Variants in NT5DC1 observed in about 807,000 individuals in gnomAD.
NT5DC1 encodes 5'-nucleotidase domain containing 1, also known as 5'-nucleotidase domain-containing protein 1.
A neutral mutation model predicts 59.4 loss-of-function variants in NT5DC1; 42 were observed. The ratio of observed to expected loss-of-function variants is 0.71; its 90% confidence interval spans 0.55 to 0.92. The LOEUF (loss-of-function observed/expected upper bound fraction) is 0.92, where lower values mean the gene tolerates loss of function less well. NT5DC1 is among the 40% of genes least tolerant of loss of function. NT5DC1 has a pLI of 0.00. For synonymous variants in NT5DC1, 172 were observed against 188.1 expected (o/e 0.91, Z 0.70); for missense variants, 501 against 537.1 (o/e 0.93, Z 0.66).
chr6:116,102,925 G>A (rs958042401), intron 1 of NT5DC1, among the ~76,000 whole-genome samples: 1 of 152,234 alleles, frequency 6.6e-6, no homozygotes, highest in Admixed American at 6.5e-5. Flanking sequence ...GCTCTGCACA[G>A]AAGCTCTTCA....
rs577266442 is a variant in NT5DC1, at chr6:116,203,850, A to G, written c.530-17204A>G. Among the ~76,000 whole-genome samples, 34 of 151,992 alleles carry G rather than the reference A, an allele frequency of 2.2e-4. 1 individual carries two copies. In the East Asian group the frequency reaches 6.2e-3, roughly 28 times the overall value. Reference sequence around the variant, plus strand: ...TGAGTTCCAGATACCTTATATTCTCAATATCTTCACCAGTACTTGATGTTG... The same window carrying G: ...TGAGTTCCAGATACCTTATATTCTCGATATCTTCACCAGTACTTGATGTTG... On this transcript the variant is annotated intron_variant, in intron 6 of 11. Coordinates refer to ENST00000319550, the MANE Select transcript of NT5DC1 (RefSeq NM_152729.3).
chr6:116,193,908 A>G lies in NT5DC1; in HGVS notation c.530-27146A>G, dbSNP rs577463316. The stretch of plus-strand genomic sequence containing the variant: ...CAGCATGGCAAAAAATACAAAAAAT[A>G]CAGAAAGTAGTCAGATGTGGTGGCA... On this transcript the variant is annotated intron_variant, in intron 6 of 11. Transcript: ENST00000319550. Among the ~76,000 whole-genome samples the G allele has an allele frequency of 3.3e-5, 5 of 151,958 alleles. No individual in the cohort carries two copies. In the South Asian group the frequency reaches 1.0e-3, roughly 32 times the overall value.
intron 6 of NT5DC1, among the ~76,000 whole-genome samples, chr6:116,218,429 A>T (rs1160026027): frequency 6.6e-6 from 1 of 152,132 alleles, no homozygotes; most frequent in Non-Finnish European, 1.5e-5. Context: ...TCTTCTTGCT[A>T]CAAAAGCTTT....
intron 6 of NT5DC1, among the ~76,000 whole-genome samples, chr6:116,151,582 T>A (rs958063252): frequency 2.0e-5 from 3 of 152,238 alleles, no homozygotes; most frequent in African/African-American, 7.2e-5. Context: ...GGTATGCTTT[T>A]AAAATTCACA....
chr6:116,237,412 A>G (rs1295425296), intron 9 of NT5DC1: 1 of 483,180 alleles, frequency 2.1e-6, no homozygotes, highest in Non-Finnish European at 4.1e-6. Flanking sequence ...CACATTGTTG[A>G]TGTTGGACAT....
At chr6:116,187,867 A>G (rs560057052) in intron 6 of NT5DC1, among the ~76,000 whole-genome samples, 7 of 152,216 alleles carry the variant, frequency 4.6e-5, no homozygotes, top group African/African-American at 1.7e-4. Context: ...AATAAATTTG[A>G]CAAACATTAA....
intron 8 of NT5DC1, among the ~76,000 whole-genome samples, chr6:116,226,045 A>T (rs73770706): frequency 0.04 from 6,055 of 152,238 alleles, 183 homozygotes; most frequent in African/African-American, 0.08. Context: ...AGGCTAAGAA[A>T]CCCTAGTCTA....
intron 8 of NT5DC1, among the ~76,000 whole-genome samples, chr6:116,226,493 A>C (rs766579705): frequency 2.0e-4 from 30 of 152,064 alleles, no homozygotes; most frequent in Non-Finnish European, 4.4e-4. Flanking sequence ...TTCTCTATTT[A>C]ATTGAGAGTA....
intron 6 of NT5DC1, among the ~76,000 whole-genome samples, chr6:116,151,034 T>G (rs1381557125): frequency 6.6e-6 from 1 of 152,210 alleles, no homozygotes; most frequent in African/African-American, 2.4e-5. Context: ...TAAAATGTTA[T>G]CTCATTGATA....
At chr6:116,221,290 G>T in intron 7 of NT5DC1, 62 bp downstream of exon 7, 2 of 965,842 alleles carry the variant, frequency 2.1e-6, no homozygotes, top group South Asian at 1.7e-5. Context: ...ATTAGACCAG[G>T]GCTTTTTTAA....
Position 116,110,792 on chromosome 6 carries a change from G to A in NT5DC1, c.258-58G>A, listed in dbSNP as rs751883771. On this transcript the variant is annotated intron_variant, in intron 3 of 11. Coordinates refer to ENST00000319550, the MANE Select transcript of NT5DC1 (RefSeq NM_152729.3). ...ACAGGGATCAACAGTCACAATGATAGAGGAAGGGGCATTCAAGGAACCATT... is the reference window on the plus strand; with the variant it reads ...ACAGGGATCAACAGTCACAATGATAAAGGAAGGGGCATTCAAGGAACCATT... 4.7e-5 allele frequency: 55 copies of A among 1,177,950 alleles called. 1 individual carries two copies. In the East Asian group the frequency reaches 1.3e-3, roughly 27 times the overall value. The allele number at this position is 1,177,950 out of a possible 1,614,324, so 73.0% of individuals were successfully genotyped here.
chr6:116,109,569 T>C (rs1187981949), intron 3 of NT5DC1, among the ~76,000 whole-genome samples: 3 of 152,182 alleles, frequency 2.0e-5, no homozygotes, highest in African/African-American at 7.2e-5. Flanking sequence ...TCTCTCTCCA[T>C]CCAAGTCCTG....
At chr6:116,145,230 A>G (rs1182323136) in intron 6 of NT5DC1, among the ~76,000 whole-genome samples, 1 of 152,164 alleles carries the variant, frequency 6.6e-6, no homozygotes, top group African/African-American at 2.4e-5. Context: ...TAACTATTAA[A>G]TGTCCCCAAA....
chr6:116,198,397 G>C (rs1325527266), intron 6 of NT5DC1, among the ~76,000 whole-genome samples: 1 of 152,002 alleles, frequency 6.6e-6, no homozygotes, highest in Admixed American at 6.6e-5. Context: ...CAAGCAGCTT[G>C]TTTAAAGAGC....
chr6:116,156,533 G>A (rs1197943982), intron 6 of NT5DC1, among the ~76,000 whole-genome samples: 1 of 152,152 alleles, frequency 6.6e-6, no homozygotes, highest in Non-Finnish European at 1.5e-5. Flanking sequence ...GGCAAAGTAA[G>A]GGAAGAGGAG....
chr6:116,148,499 T>C (rs900247426), intron 6 of NT5DC1, among the ~76,000 whole-genome samples: 1 of 152,208 alleles, frequency 6.6e-6, no homozygotes, highest in Non-Finnish European at 1.5e-5. Context: ...CTACCCAATC[T>C]TGCAGTGCCT....
chr6:116,104,411 G>C (rs1035544191), intron 1 of NT5DC1, among the ~76,000 whole-genome samples: 1 of 152,298 alleles, frequency 6.6e-6, no homozygotes, highest in African/African-American at 2.4e-5. Context: ...CTAATCACTT[G>C]AATAACTGGA....
rs1782124953 is a variant in NT5DC1, at chr6:116,236,954, C to T, written c.803-12C>T. 6.6e-7 allele frequency: 1 copy of T among 1,520,436 alleles called. No individual in the cohort carries two copies. Among genetic ancestry groups the T allele is most frequent in the African/African-American group, 1.4e-5 (1 of 72,984 alleles). 94.2% of individuals were successfully genotyped at this position (1,520,436 alleles called of 1,614,324 possible). On this transcript the variant is annotated splice_polypyrimidine_tract_variant and intron_variant, in intron 8 of 11. Coordinates refer to ENST00000319550, the MANE Select transcript of NT5DC1 (RefSeq NM_152729.3). ...GATTAAAAAGTATATGATTGTCAAA[C>T]TGTATTTTCAGAGAATGATGAGGAG...
intron 6 of NT5DC1, among the ~76,000 whole-genome samples, chr6:116,154,985 A>G (rs1338656885): frequency 2.0e-5 from 3 of 152,210 alleles, no homozygotes; most frequent in African/African-American, 7.2e-5. Context: ...TTTCTGTTTA[A>G]CTTTTACTCC....
Sources: allele counts gnomAD v4.1 joint callset (sites outside exome capture counted in the v4.1 genomes callset), GRCh38; gene constraint gnomAD v4.1.1; transcripts MANE v1.5; gene names NCBI Gene and HGNC (gene_info 2026-07-23, HGNC 2026-07-21).